Variants in TFPI observed in about 807,000 individuals in gnomAD.
TFPI encodes tissue factor pathway inhibitor.
Under a neutral mutation model 34.6 loss-of-function variants are expected in TFPI, and 15 were observed. The observed-to-expected ratio is 0.43, with a 90% CI of 0.29 to 0.67. TFPI has a LOEUF of 0.67. Ranked by LOEUF, TFPI falls within the 30% of genes least tolerant of loss-of-function variation. The pLI is 0.15. For synonymous variants in TFPI, 105 were observed against 120.1 expected (o/e 0.87, Z 0.82); for missense variants, 301 against 364.0 (o/e 0.83, Z 1.41).
At chr2:187,532,691 T>C (rs903438626) in intron 1 of TFPI, among the ~76,000 whole-genome samples, 1 of 152,150 alleles carries the variant, frequency 6.6e-6, no homozygotes, top group African/African-American at 2.4e-5. Context: ...GGAGTTTTTT[T>C]TTTCATACCC....
At chr2:187,468,056 G>A in intron 6 of TFPI, 124 bp from the exon 7 acceptor site, 1 of 734,530 alleles carries the variant, frequency 1.4e-6, no homozygotes, top group Non-Finnish European at 1.9e-6. Flanking sequence ...TGAATAAAGG[G>A]GTATTTAATA....
At chr2:187,538,908 T>G (rs1688414471) in intron 1 of TFPI, among the ~76,000 whole-genome samples, 1 of 152,176 alleles carries the variant, frequency 6.6e-6, no homozygotes, top group Non-Finnish European at 1.5e-5. Flanking sequence ...ATTTCAAAAC[T>G]TTGAAAGTTA....
intron 1 of TFPI, among the ~76,000 whole-genome samples, chr2:187,534,900 A>AT (rs778326535): frequency 3.6e-4 from 54 of 151,858 alleles, no homozygotes; most frequent in South Asian, 8.3e-4. Context: ...AAAGCAAAAA[A>AT]AAAAATAAAA....
intron 1 of TFPI, among the ~76,000 whole-genome samples, chr2:187,511,385 GT>G (rs1468036577): frequency 6.6e-6 from 1 of 152,114 alleles, no homozygotes; most frequent in Non-Finnish European, 1.5e-5. Context: ...CTCTGATTTG[GT>G]TTTGACTCTG....
intron 1 of TFPI, among the ~76,000 whole-genome samples, chr2:187,525,696 G>A (rs546628827): frequency 3.0e-4 from 46 of 152,146 alleles, no homozygotes; most frequent in African/African-American, 7.0e-4. Context: ...AATATGACTG[G>A]TATCCTTATA....
At chr2:187,475,630 G>A (rs1410441915) in intron 6 of TFPI, among the ~76,000 whole-genome samples, 1 of 152,072 alleles carries the variant, frequency 6.6e-6, no homozygotes, top group East Asian at 1.9e-4. Context: ...TAGAACAAAT[G>A]AGGAACCTGA....
At chr2:187,490,802 C>T (rs147481017) in intron 3 of TFPI, among the ~76,000 whole-genome samples, 13 of 151,442 alleles carry the variant, frequency 8.6e-5, no homozygotes, top group Admixed American at 3.3e-4. Context: ...TTCTGTTTCC[C>T]TCTGTTCATG....
chr2:187,481,059 AATT>A (rs1421542205), intron 6 of TFPI, among the ~76,000 whole-genome samples: 1 of 152,026 alleles, frequency 6.6e-6, no homozygotes, highest in Non-Finnish European at 1.5e-5. Flanking sequence ...AAAACATTAA[AATT>A]ATATTTATAA....
chr2:187,543,618 G>A (rs1331251644), intron 1 of TFPI, among the ~76,000 whole-genome samples: 2 of 152,180 alleles, frequency 1.3e-5, no homozygotes, highest in African/African-American at 4.8e-5. Flanking sequence ...TCTTTAATAT[G>A]TTCATAAATC....
chr2:187,473,919 C>T (rs1264512502), intron 6 of TFPI, among the ~76,000 whole-genome samples: 1 of 151,688 alleles, frequency 6.6e-6, no homozygotes, highest in Non-Finnish European at 1.5e-5. Flanking sequence ...TGAGTGAAAA[C>T]CTGCCCAGAC....
At chr2:187,523,693 A>G (rs1687534628) in intron 1 of TFPI, among the ~76,000 whole-genome samples, 1 of 152,106 alleles carries the variant, frequency 6.6e-6, no homozygotes, top group Admixed American at 6.5e-5. Context: ...ATCATACAGA[A>G]TATTTTCCTC....
chr2:187,466,080 A>G lies in TFPI; in HGVS notation c.*856T>C, dbSNP rs1276092927. ...GTTGCATTGTGTGCAAATCCTAATG[A>G]TAACTGAATAGATTTCAGAAGGTTT... On this transcript the variant is annotated 3_prime_UTR_variant, in exon 8 of 8. Coordinates refer to ENST00000233156, the MANE Select transcript of TFPI (RefSeq NM_006287.6). The G allele has an allele frequency of 2.0e-5, 3 of 152,236 alleles. No individual in the cohort carries two copies. The highest frequency in any genetic ancestry group is 4.8e-5 in the African/African-American group (2 of 41,462). The allele number at this position is 152,236 out of a possible 1,614,324, so 9.4% of individuals were successfully genotyped here. A position where few individuals can be genotyped will look rare whatever the true frequency, so the allele number is the denominator to read the frequency against.
chr2:187,505,674 T>C (rs1574449952), intron 1 of TFPI, among the ~76,000 whole-genome samples: 1 of 152,174 alleles, frequency 6.6e-6, no homozygotes, highest in African/African-American at 2.4e-5. Flanking sequence ...CTTAAATAGC[T>C]TGAGACTAGC....
intron 1 of TFPI, among the ~76,000 whole-genome samples, chr2:187,520,307 G>A (rs549273713): frequency 6.6e-6 from 1 of 152,132 alleles, no homozygotes; most frequent in African/African-American, 2.4e-5. Flanking sequence ...GGGTCTGTGG[G>A]TTGTGAAGAC....
intron 4 of TFPI, among the ~76,000 whole-genome samples, chr2:187,486,698 A>T (rs1693295550): frequency 6.6e-6 from 1 of 151,624 alleles, no homozygotes; most frequent in Non-Finnish European, 1.5e-5. Flanking sequence ...TCTTCAGGTA[A>T]ATAAATTAAC....
intron 4 of TFPI, among the ~76,000 whole-genome samples, chr2:187,485,952 A>C (rs754204661): frequency 2.0e-5 from 3 of 151,684 alleles, no homozygotes; most frequent in Admixed American, 2.0e-4. Context: ...AGCAATACCC[A>C]CAAGTATTTT....
chr2:187,483,175 T>C (rs995941879), intron 6 of TFPI, among the ~76,000 whole-genome samples: 1 of 151,974 alleles, frequency 6.6e-6, no homozygotes. Flanking sequence ...GTTTGTTTGT[T>C]GTAAAGAGGA....
intron 1 of TFPI, among the ~76,000 whole-genome samples, chr2:187,508,555 T>C (rs1179662900): frequency 1.3e-5 from 2 of 152,346 alleles, no homozygotes; most frequent in East Asian, 1.9e-4. Flanking sequence ...CTAGGTATTT[T>C]ATTCTCTTTG....
chr2:187,470,757 T>G (rs139156824), intron 6 of TFPI, among the ~76,000 whole-genome samples: 6 of 152,276 alleles, frequency 3.9e-5, no homozygotes, highest in Non-Finnish European at 1.5e-5. Flanking sequence ...CAGAGAAAAC[T>G]TCACTAAATT....
Sources: gnomAD v4.1 joint callset for allele counts (sites outside exome capture counted in the v4.1 genomes callset) on GRCh38, gnomAD v4.1.1 for gene constraint, MANE v1.5 for transcripts, NCBI Gene and HGNC (gene_info 2026-07-23, HGNC 2026-07-21) for gene names.